Variants in ARMC8 observed in about 807,000 individuals in gnomAD.
ARMC8 encodes armadillo repeat containing 8, also known as armadillo repeat-containing protein 8.
Under a neutral mutation model 99.3 loss-of-function variants are expected in ARMC8, and 20 were observed. The observed-to-expected ratio is 0.20, with a 90% CI of 0.14 to 0.29. The LOEUF (loss-of-function observed/expected upper bound fraction) is 0.29. ARMC8 is among the 10% of genes least tolerant of loss of function. ARMC8 has a pLI of 1.00. For missense variants in ARMC8, 569 were observed against 809.5 expected (o/e 0.70, Z 3.60); for synonymous variants, 263 against 278.3 (o/e 0.95, Z 0.55).
intron 12 of ARMC8, among the ~76,000 whole-genome samples, chr3:138,260,322 A>G (rs1192580843): frequency 2.6e-5 from 4 of 152,188 alleles, no homozygotes; most frequent in Non-Finnish European, 5.9e-5. Flanking sequence ...TGCTGATTAC[A>G]AAAGATTGGA....
intron 21 of ARMC8, among the ~76,000 whole-genome samples, chr3:138,293,092 A>G (rs1314326602): frequency 6.6e-6 from 1 of 152,180 alleles, no homozygotes; most frequent in African/African-American, 2.4e-5. Flanking sequence ...TCTGTAGAAC[A>G]CGTCACACTG....
At chr3:138,204,495 C>T (rs1344820733) in intron 1 of ARMC8, among the ~76,000 whole-genome samples, 2 of 152,182 alleles carry the variant, frequency 1.3e-5, no homozygotes, top group Non-Finnish European at 1.5e-5. Flanking sequence ...CTTTACTCCC[C>T]TTTACAGTGA....
At position 138,237,581 on chromosome 3, in the gene ARMC8, C is replaced by A; in HGVS notation, c.776+9C>A. On this transcript the variant is annotated intron_variant, in intron 9 of 21. Transcript: ENST00000469044. ...CTCACATCAGCAAAATGGTAAAAGT[C>A]AGGACAATGTGGGAAGAAAGACAGT... The A allele has an allele frequency of 6.2e-7, 1 of 1,608,124 alleles. No individual in the cohort carries two copies. Among genetic ancestry groups the A allele is most frequent in the South Asian group, 1.1e-5 (1 of 90,582 alleles).
At chr3:138,266,796 G>C (rs972489570) in intron 14 of ARMC8, among the ~76,000 whole-genome samples, 7 of 152,114 alleles carry the variant, frequency 4.6e-5, no homozygotes, top group African/African-American at 1.7e-4. Context: ...CCATTCTGTA[G>C]ACTCATAAGG....
chr3:138,285,018 T>G (rs1261395895), intron 19 of ARMC8, among the ~76,000 whole-genome samples: 2 of 152,208 alleles, frequency 1.3e-5, no homozygotes, highest in African/African-American at 4.8e-5. Context: ...CACTTCTCAT[T>G]CTGTCAACAT....
chr3:138,215,719 A>G (rs1010899441), intron 2 of ARMC8, among the ~76,000 whole-genome samples: 4 of 152,184 alleles, frequency 2.6e-5, no homozygotes, highest in African/African-American at 7.2e-5. Context: ...ACAGAGTTAA[A>G]TACATTAAAT....
intron 12 of ARMC8, among the ~76,000 whole-genome samples, chr3:138,251,750 A>T (rs1245481257): frequency 6.6e-6 from 1 of 152,256 alleles, no homozygotes; most frequent in African/African-American, 2.4e-5. Flanking sequence ...TTTATAAAAT[A>T]ATGAATTTTT....
At chr3:138,295,823 C>T in intron 21 of ARMC8, 36 bp from the exon 22 acceptor site, 1 of 1,612,020 alleles carries the variant, frequency 6.2e-7, no homozygotes, top group Non-Finnish European at 8.5e-7. Flanking sequence ...AATTACAATT[C>T]TGAGATGATG....
intron 21 of ARMC8, among the ~76,000 whole-genome samples, chr3:138,294,325 G>A (rs1489970533): frequency 1.3e-5 from 2 of 152,164 alleles, no homozygotes; most frequent in African/African-American, 2.4e-5. Flanking sequence ...GGGTTGCAGG[G>A]TCCCAGAGCT....
At chr3:138,194,418 A>G (rs2043588352) in intron 1 of ARMC8, among the ~76,000 whole-genome samples, 1 of 143,318 alleles carries the variant, frequency 7.0e-6, no homozygotes. Context: ...GGTCACTGCA[A>G]CCTCCGCCTC....
In ARMC8 at chr3:138,263,919, C is replaced by T. The variant is rs768532899; in HGVS notation, c.1217+98C>T. On this transcript the variant is annotated intron_variant, in intron 13 of 21. Coordinates refer to ENST00000469044, the MANE Select transcript of ARMC8 (RefSeq NM_001363941.2). ...TGAGTAAACACAGACTACAAATGTT[C>T]CTCAAAAATCTGCTCAGGTGAATTC... 37 of 1,171,510 alleles carry T rather than the reference C, an allele frequency of 3.2e-5. No homozygotes were observed. In the Admixed American group the frequency reaches 3.8e-4, roughly 12 times the overall value. 72.6% of individuals were successfully genotyped at this position (1,171,510 alleles called of 1,614,324 possible).
At chr3:138,279,010 A>T (rs115337326) in intron 18 of ARMC8, among the ~76,000 whole-genome samples, 1 of 152,252 alleles carries the variant, frequency 6.6e-6, no homozygotes, top group South Asian at 2.1e-4. Flanking sequence ...TCCAATCTAT[A>T]TGCTATTTTG....
intron 21 of ARMC8, among the ~76,000 whole-genome samples, chr3:138,291,853 A>T (rs747056478): frequency 9.2e-5 from 14 of 152,152 alleles, no homozygotes; most frequent in Non-Finnish European, 1.5e-4. Flanking sequence ...ACAGAGGGCT[A>T]ATGAAAAATA....
intron 8 of ARMC8, 27 bp downstream of exon 8, chr3:138,237,411 A>G (rs373138393): frequency 1.2e-6 from 2 of 1,611,646 alleles, no homozygotes; most frequent in African/African-American, 1.3e-5. Flanking sequence ...AGTGGCACCT[A>G]CATGATTTAA....
At chr3:138,253,106 GAAAA>G (rs916914552) in intron 12 of ARMC8, among the ~76,000 whole-genome samples, 1 of 151,042 alleles carries the variant, frequency 6.6e-6, no homozygotes, top group Non-Finnish European at 1.5e-5. Context: ...ATGCTTGAGA[GAAAA>G]AAAAATCTAG....
chr3:138,246,178 G>A (rs1318435408), intron 12 of ARMC8: 1 of 985,680 alleles, frequency 1.0e-6, no homozygotes, highest in East Asian at 1.1e-4. Flanking sequence ...ACCATTTCTT[G>A]AAGAAACTGA....
intron 12 of ARMC8, among the ~76,000 whole-genome samples, chr3:138,255,622 C>G (rs1450836011): frequency 3.3e-5 from 5 of 152,028 alleles, no homozygotes; most frequent in African/African-American, 1.2e-4. Flanking sequence ...TACTGAGACC[C>G]CAGAATGTAA....
intron 16 of ARMC8, among the ~76,000 whole-genome samples, chr3:138,271,798 CTTT>C (rs776320900): frequency 4.4e-5 from 6 of 136,092 alleles, no homozygotes; most frequent in Non-Finnish European, 4.7e-5. Flanking sequence ...TTTTTTCTTT[CTTT>C]TTTTTTTTTT....
intron 1 of ARMC8, among the ~76,000 whole-genome samples, chr3:138,199,100 T>G (rs536889596): frequency 6.6e-6 from 1 of 152,296 alleles, no homozygotes; most frequent in African/African-American, 2.4e-5. Context: ...TTAGAAACTT[T>G]CCGAAGTTAC....
Sources: gnomAD v4.1 joint callset for allele counts (sites outside exome capture counted in the v4.1 genomes callset) on GRCh38, gnomAD v4.1.1 for gene constraint, MANE v1.5 for transcripts, NCBI Gene and HGNC (gene_info 2026-07-23, HGNC 2026-07-21) for gene names.